KCNMB2: variants seen among roughly 807,000 people sequenced by gnomAD.
The protein encoded by KCNMB2 is potassium calcium-activated channel subfamily M regulatory beta subunit 2, also known as calcium-activated potassium channel subunit beta-2.
KCNMB2 carries 9 observed loss-of-function variants against 24.5 expected under a neutral mutation model. The observed-to-expected ratio is 0.37, with a 90% CI of 0.22 to 0.64. The LOEUF (loss-of-function observed/expected upper bound fraction) is 0.64. Among genes scored for constraint, KCNMB2 ranks in the 30% least tolerant of loss-of-function variants. KCNMB2 has a pLI of 0.63. For synonymous variants in KCNMB2, 109 were observed against 104.4 expected (o/e 1.04, Z -0.27); for missense variants, 226 against 284.3 (o/e 0.79, Z 1.47).
At chr3:178,655,199 T>C (rs1005046083) in intron 1 of KCNMB2, among the ~76,000 whole-genome samples, 1 of 151,208 alleles carries the variant, frequency 6.6e-6, no homozygotes, top group African/African-American at 2.4e-5. Flanking sequence ...CACCTTTCCA[T>C]GTCCAAGAAA....
At chr3:178,708,745 C>T (rs988977718) in intron 1 of KCNMB2, among the ~76,000 whole-genome samples, 2 of 152,034 alleles carry the variant, frequency 1.3e-5, no homozygotes, top group African/African-American at 4.8e-5. Context: ...TATTATTATT[C>T]CCTTTTACAA....
chr3:178,669,673 A>T (rs1369795184), intron 1 of KCNMB2, among the ~76,000 whole-genome samples: 1 of 152,136 alleles, frequency 6.6e-6, no homozygotes, highest in Non-Finnish European at 1.5e-5. Flanking sequence ...GGATTATACA[A>T]ATATGTCAAT....
intron 1 of KCNMB2, among the ~76,000 whole-genome samples, chr3:178,681,217 C>G (rs1721259957): frequency 6.6e-6 from 1 of 152,158 alleles, no homozygotes; most frequent in East Asian, 1.9e-4. Context: ...CTCACACTTA[C>G]TAATTAGAGT....
intron 1 of KCNMB2, among the ~76,000 whole-genome samples, chr3:178,538,103 C>A (rs1167300435): frequency 6.6e-6 from 1 of 152,148 alleles, no homozygotes; most frequent in Non-Finnish European, 1.5e-5. Flanking sequence ...TATATATATA[C>A]TGTAATCCAC....
chr3:178,783,620 T>C (rs1421393266), intron 1 of KCNMB2, among the ~76,000 whole-genome samples: 1 of 148,470 alleles, frequency 6.7e-6, no homozygotes, highest in Non-Finnish European at 1.5e-5. Context: ...TAAGAACGCT[T>C]GTGATTTTTG....
intron 1 of KCNMB2, among the ~76,000 whole-genome samples, chr3:178,701,056 C>T (rs1465304160): frequency 1.3e-5 from 2 of 152,106 alleles, no homozygotes; most frequent in Admixed American, 1.3e-4. Flanking sequence ...AATGGTATTG[C>T]CTAGGTTTTC....
chr3:178,587,924 G>C (rs1173816553), intron 1 of KCNMB2, among the ~76,000 whole-genome samples: 3 of 125,960 alleles, frequency 2.4e-5, no homozygotes, highest in African/African-American at 3.2e-5. Context: ...GGTGTGTGAT[G>C]TTCCCCTTCC....
chr3:178,819,147 T>C (rs1164528039), intron 2 of KCNMB2, among the ~76,000 whole-genome samples: 4 of 152,216 alleles, frequency 2.6e-5, no homozygotes, highest in African/African-American at 9.6e-5. Flanking sequence ...TCTGTTTTTT[T>C]CTTCTACCAT....
intron 1 of KCNMB2, among the ~76,000 whole-genome samples, chr3:178,749,846 G>GATGT (rs1723786712): frequency 6.6e-6 from 1 of 152,184 alleles, no homozygotes; most frequent in Non-Finnish European, 1.5e-5. Flanking sequence ...TACAGAGGTA[G>GATGT]CTGAGAAGTG....
intron 1 of KCNMB2, among the ~76,000 whole-genome samples, chr3:178,690,197 C>A (rs1458727155): frequency 1.3e-5 from 2 of 152,238 alleles, no homozygotes; most frequent in East Asian, 3.9e-4. Flanking sequence ...TGTATCAGAA[C>A]TTTGGCAGAT....
intron 1 of KCNMB2, among the ~76,000 whole-genome samples, chr3:178,667,803 C>G (rs1054337986): frequency 6.6e-6 from 1 of 152,128 alleles, no homozygotes; most frequent in African/African-American, 2.4e-5. Context: ...GACTCTGCCC[C>G]CTAAAGCCCC....
At chr3:178,689,495 G>T (rs35211246) in intron 1 of KCNMB2, among the ~76,000 whole-genome samples, 7,647 of 152,108 alleles carry the variant, frequency 0.05, 265 homozygotes, top group Non-Finnish European at 0.076. Context: ...AGTTAGCTGG[G>T]CGTGGTGGTG....
chr3:178,835,211 C>A (rs991204416), intron 4 of KCNMB2, among the ~76,000 whole-genome samples: 1 of 151,800 alleles, frequency 6.6e-6, no homozygotes. Context: ...TGTAGTGGGA[C>A]CTTTGTCTCA....
At chr3:178,751,382 C>A (rs1439354436) in intron 1 of KCNMB2, among the ~76,000 whole-genome samples, 2 of 151,668 alleles carry the variant, frequency 1.3e-5, no homozygotes, top group African/African-American at 4.8e-5. Flanking sequence ...AGTTTGAGAC[C>A]AGCCTGGCCA....
intron 1 of KCNMB2, among the ~76,000 whole-genome samples, chr3:178,567,070 A>G (rs1360084368): frequency 6.6e-6 from 1 of 152,238 alleles, no homozygotes; most frequent in Non-Finnish European, 1.5e-5. Flanking sequence ...AAATGAGCGT[A>G]TCGTGACTCT....
chr3:178,649,146 A>G (rs1468884890), intron 1 of KCNMB2, among the ~76,000 whole-genome samples: 1 of 152,050 alleles, frequency 6.6e-6, no homozygotes, highest in Admixed American at 6.6e-5. Flanking sequence ...AACTTGTCTT[A>G]GTTTTTCATC....
chr3:178,654,221 T>C (rs758795830), intron 1 of KCNMB2, among the ~76,000 whole-genome samples: 3 of 152,216 alleles, frequency 2.0e-5, no homozygotes, highest in Admixed American at 6.5e-5. Flanking sequence ...TGTATTTTCA[T>C]TTATTTTTAA....
chr3:178,842,672 G>T lies in KCNMB2; in HGVS notation c.443G>T (p.Cys148Phe). Reference sequence around the variant, plus strand: ...CCACAGTGCTCCTATATACCTAAATGTGGAAAAAATTTTGAAGAATCCATG... The same window carrying T: ...CCACAGTGCTCCTATATACCTAAATTTGGAAAAAATTTTGAAGAATCCATG... ...INQKCSYIPK[C>F]GKNFEESMSL... The change falls in exon 5 of 5, where the codon TGT (cysteine) becomes TTT (phenylalanine). Residue 148 changes from cysteine (C) to phenylalanine (F), a missense_variant. By Grantham distance (205) the Cys-to-Phe change is radical. Coordinates refer to ENST00000452583, the MANE Select transcript of KCNMB2 (RefSeq NM_181361.3). 6.2e-7 allele frequency: 1 copy of T among 1,611,248 alleles called. No homozygotes were observed.
At chr3:178,584,988 G>C (rs4857651) in intron 1 of KCNMB2, among the ~76,000 whole-genome samples, 122,117 of 152,150 alleles carry the variant, frequency 0.8, 49,678 homozygotes, top group African/African-American at 0.95. Flanking sequence ...GTTCTTTCTT[G>C]TAAGGAGTTT....
Sources: gnomAD v4.1 joint callset for allele counts (sites outside exome capture counted in the v4.1 genomes callset) on GRCh38, gnomAD v4.1.1 for gene constraint, MANE v1.5 for transcripts, NCBI Gene and HGNC (gene_info 2026-07-23, HGNC 2026-07-21) for gene names.